The following GON4L variants were observed in gnomAD, a reference collection of about 807,000 sequenced individuals.
The protein encoded by GON4L is GON-4-like protein.
A neutral mutation model predicts 211.8 loss-of-function variants in GON4L; 87 were observed. The observed-to-expected ratio is 0.41, with a 90% CI of 0.35 to 0.49. The LOEUF is 0.49. Among genes scored for constraint, GON4L ranks in the 20% least tolerant of loss-of-function variants. The pLI is 0.15. For synonymous variants in GON4L, 875 were observed against 962.6 expected, an observed-to-expected ratio of 0.91 and a Z score of 1.68; for missense variants, 2,155 against 2,659.5, an observed-to-expected ratio of 0.81 and a Z score of 4.17.
intron 22 of GON4L, among the ~76,000 whole-genome samples, chr1:155,762,784 T>C (rs1661964923): frequency 6.6e-6 from 1 of 152,234 alleles, no homozygotes; most frequent in Admixed American, 6.5e-5. Flanking sequence ...ACGCCTGTAA[T>C]CCCAGCACTC....
chr1:155,777,884 G>A lies in GON4L; in HGVS notation c.1893-64C>T, dbSNP rs572916741. The A allele has an allele frequency of 1.1e-4, 103 of 955,922 alleles. 1 individual carries two copies. Among genetic ancestry groups the A allele is most frequent in the South Asian group, 8.4e-4 (65 of 77,506 alleles). The allele number at this position is 955,922 out of a possible 1,614,324, so 59.2% of individuals were successfully genotyped here. A position where few individuals can be genotyped will look rare whatever the true frequency, so the allele number is the denominator to read the frequency against. On this transcript the variant is annotated intron_variant, in intron 14 of 31. Coordinates refer to ENST00000368331, the MANE Select transcript of GON4L (RefSeq NM_001282860.2). ...CGTAGGTCCACAACACATCCAATTC[G>A]TTCCAATGATGAGCAAAGAGCCTGA...
intron 20 of GON4L, 143 bp from the exon 21 acceptor site, chr1:155,766,852 C>T: frequency 2.3e-6 from 3 of 1,296,776 alleles, no homozygotes; most frequent in Non-Finnish European, 3.3e-6. Flanking sequence ...TCAGGATGAG[C>T]CTGACCAACA....
chr1:155,748,126 A>G, downstream of GON4L: 2 of 1,596,408 alleles, frequency 1.3e-6, no homozygotes, highest in Non-Finnish European at 8.5e-7. Context: ...CTGCATTATG[A>G]TGTAAGTCTC....
chr1:155,804,396 C>G (rs1449434027), intron 11 of GON4L, among the ~76,000 whole-genome samples: 1 of 152,012 alleles, frequency 6.6e-6, no homozygotes, highest in African/African-American at 2.4e-5. Context: ...CAAAAGACAA[C>G]AACAAAACTA....
At chr1:155,748,067 G>A (rs1200034562), downstream of GON4L, 14 of 1,608,044 alleles carry the variant, frequency 8.7e-6, no homozygotes, top group Non-Finnish European at 1.1e-5. Context: ...CCTTGTCCTT[G>A]GGTGGGAGCC....
chr1:155,820,789 T>C (rs1668659837), intron 5 of GON4L, 133 bp from the exon 6 acceptor site: 1 of 701,802 alleles, frequency 1.4e-6, no homozygotes, highest in Non-Finnish European at 2.6e-6. Flanking sequence ...GAGACCAGCC[T>C]GAGCAACAGA....
At chr1:155,761,876 G>C (rs185259549) in intron 23 of GON4L, among the ~76,000 whole-genome samples, 67 of 152,256 alleles carry the variant, frequency 4.4e-4, no homozygotes, top group African/African-American at 1.6e-3. Flanking sequence ...TCAAGCCAAA[G>C]GTTCTATAAA....
chr1:155,776,525 G>T, intron 15 of GON4L, 44 bp from the exon 16 acceptor site: 1 of 1,348,398 alleles, frequency 7.4e-7, no homozygotes, highest in Non-Finnish European at 1.1e-6. Flanking sequence ...TTACCACATT[G>T]TCATTTCAGG....
chr1:155,823,246 C>T (rs372592111), intron 3 of GON4L, among the ~76,000 whole-genome samples: 90 of 152,166 alleles, frequency 5.9e-4, no homozygotes, highest in South Asian at 2.3e-3. Flanking sequence ...ACATATTTTT[C>T]AAAACTCATC....
intron 1 of GON4L, among the ~76,000 whole-genome samples, chr1:155,855,591 T>C (rs1050701396): frequency 1.3e-5 from 2 of 152,200 alleles, no homozygotes; most frequent in African/African-American, 4.8e-5. Context: ...TCACTGAATA[T>C]TGTAGATACT....
At chr1:155,828,621 A>G (rs1358683597) in intron 2 of GON4L, among the ~76,000 whole-genome samples, 1 of 150,752 alleles carries the variant, frequency 6.6e-6, no homozygotes, top group Admixed American at 6.6e-5. Context: ...AGCTTGGCCA[A>G]CACGGCAAAA....
chr1:155,765,962 C>G lies in GON4L; in HGVS notation c.3511G>C (p.Val1171Leu), dbSNP rs750793018. 3.1e-6 allele frequency: 5 copies of G among 1,614,058 alleles called. No individual in the cohort carries two copies. In the East Asian group the frequency reaches 1.1e-4, roughly 36 times the overall value. Residue 1171 changes from valine (V) to leucine (L), a missense_variant, in exon 21 of 32, where the codon GTG (valine) becomes CTG (leucine). Physicochemically the swap from Val to Leu is conservative, Grantham distance 32. Around this residue, in one of 6 missense-constraint regions of GON4L, gnomAD observed 615 missense variants for 625.7 expected, o/e 0.98. Coordinates refer to ENST00000368331, the MANE Select transcript of GON4L (RefSeq NM_001282860.2). ...CNMIQPVNAAVAQSPQTIPIT... is the reference protein window; with the variant it reads ...CNMIQPVNAALAQSPQTIPIT... ...GGAATAGTCTGGGGACTCTGGGCCA[C>G]AGCCGCATTGACAGGCTGGATCATG...
At chr1:155,791,548 G>T (rs1557866878) in intron 12 of GON4L, among the ~76,000 whole-genome samples, 1 of 150,934 alleles carries the variant, frequency 6.6e-6, no homozygotes, top group African/African-American at 2.4e-5. Flanking sequence ...GGAATAAATT[G>T]CTTTTTTTTT....
At chr1:155,792,796 A>C (rs1665729943) in intron 12 of GON4L, among the ~76,000 whole-genome samples, 1 of 151,982 alleles carries the variant, frequency 6.6e-6, no homozygotes, top group East Asian at 1.9e-4. Flanking sequence ...TCTTGCTCTG[A>C]CCCAGGCTGG....
At chr1:155,818,631 A>C (rs892801025) in intron 6 of GON4L, among the ~76,000 whole-genome samples, 1 of 152,228 alleles carries the variant, frequency 6.6e-6, no homozygotes, top group Non-Finnish European at 1.5e-5. Context: ...GAAATATGTA[A>C]TCTGGAACAC....
At chr1:155,828,406 G>A (rs569520130) in intron 2 of GON4L, among the ~76,000 whole-genome samples, 83 of 151,328 alleles carry the variant, frequency 5.5e-4, no homozygotes, top group Admixed American at 3.1e-3. Context: ...CAGGAGAATC[G>A]CTTGAACCTG....
In GON4L at chr1:155,765,374, T is replaced by C. The variant is rs751358225; in HGVS notation, c.4099A>G (p.Ser1367Gly). The C allele has an allele frequency of 1.2e-6, 2 of 1,614,198 alleles. No individual in the cohort carries two copies. The highest frequency in any genetic ancestry group is 1.7e-5 in the Admixed American group (1 of 60,006). Residue 1367 changes from serine (S) to glycine (G), a missense_variant, in exon 21 of 32, where the codon AGT becomes GGT. Around this residue, in one of 6 missense-constraint regions of GON4L, gnomAD observed 615 missense variants for 625.7 expected, o/e 0.98. Coordinates refer to ENST00000368331, the MANE Select transcript of GON4L (RefSeq NM_001282860.2). ...DTGAPSEELS[S>G]AGEVTKQTVL... ...GTCTGTTTCGTTACTTCTCCAGCAC[T>C]GCTCAACTCCTCGCTTGGGGCACCA...
intron 12 of GON4L, among the ~76,000 whole-genome samples, chr1:155,791,205 T>G (rs974481863): frequency 9.2e-5 from 14 of 151,736 alleles, no homozygotes; most frequent in African/African-American, 3.4e-4. Flanking sequence ...GAGGCTGCAG[T>G]GAGCCGAGAT....
chr1:155,853,865 C>T, intron 1 of GON4L, 59 bp from the exon 2 acceptor site: 1 of 1,034,022 alleles, frequency 9.7e-7, no homozygotes, highest in African/African-American at 1.6e-5. Context: ...AACATTTACT[C>T]AATTATCTTT....
Sources: gnomAD v4.1 joint callset for allele counts (sites outside exome capture counted in the v4.1 genomes callset) on GRCh38, gnomAD v4.1.1 for gene constraint, gnomAD v4.1.1 regional missense constraint, MANE v1.5 for transcripts, NCBI Gene and HGNC (gene_info 2026-07-23, HGNC 2026-07-21) for gene names.